Variants in DCC observed in about 807,000 individuals in gnomAD.
DCC encodes the protein netrin receptor DCC.
DCC carries 58 observed loss-of-function variants against 172.5 expected under a neutral mutation model. That is an observed-to-expected ratio of 0.34 (90% CI 0.27 to 0.42). The LOEUF (loss-of-function observed/expected upper bound fraction) is 0.42, where lower values mean the gene tolerates loss of function less well. Ranked by LOEUF, DCC falls within the 10% of genes least tolerant of loss-of-function variation. The probability of loss-of-function intolerance (pLI) is 1.00; values close to 1 mark genes in which losing one functional copy is unlikely to be tolerated. For synonymous variants in DCC, 709 were observed against 644.5 expected (o/e 1.10, Z -1.52); for missense variants, 1,740 against 1,791.0 (o/e 0.97, Z 0.51).
intron 1 of DCC, among the ~76,000 whole-genome samples, chr18:52,627,381 A>G (rs542093515): frequency 6.6e-6 from 1 of 152,254 alleles, no homozygotes; most frequent in South Asian, 2.1e-4. Context: ...GTTCCTGTGC[A>G]CTGTTAGGGA....
intron 1 of DCC, among the ~76,000 whole-genome samples, chr18:52,746,368 A>G (rs544963830): frequency 6.6e-5 from 10 of 152,282 alleles, no homozygotes; most frequent in Middle Eastern, 3.4e-3. Flanking sequence ...TCTAATCTCA[A>G]AATCTTGTAG....
chr18:52,361,524 G>A (rs1984617643), intron 1 of DCC, among the ~76,000 whole-genome samples: 1 of 152,136 alleles, frequency 6.6e-6, no homozygotes, highest in Non-Finnish European at 1.5e-5. Context: ...AGAGAGACAC[G>A]TGCTAGGCAT....
intron 12 of DCC, among the ~76,000 whole-genome samples, chr18:53,256,184 G>C (rs1204733477): frequency 6.6e-6 from 1 of 152,122 alleles, no homozygotes; most frequent in African/African-American, 2.4e-5. Flanking sequence ...TCTGATGGTA[G>C]TTTCTTTTGC....
At chr18:52,892,731 A>G (rs2039668889) in intron 2 of DCC, among the ~76,000 whole-genome samples, 2 of 152,084 alleles carry the variant, frequency 1.3e-5, no homozygotes, top group Non-Finnish European at 2.9e-5. Context: ...ACAAGTTTTG[A>G]TTTTTTCAGA....
At chr18:53,507,731 T>A (rs1447281257) in intron 27 of DCC, among the ~76,000 whole-genome samples, 1 of 152,182 alleles carries the variant, frequency 6.6e-6, no homozygotes, top group Non-Finnish European at 1.5e-5. Context: ...TACAGACTTA[T>A]AAGAATAATG....
At chr18:53,038,221 G>T (rs1332808732) in intron 5 of DCC, among the ~76,000 whole-genome samples, 1 of 151,934 alleles carries the variant, frequency 6.6e-6, no homozygotes, top group Non-Finnish European at 1.5e-5. Flanking sequence ...TTAGAACAGG[G>T]AATTCTGTTT....
Position 52,788,636 on chromosome 18 carries a change from C to T in DCC, c.412+36262C>T, listed in dbSNP as rs369068380. On this transcript the variant is annotated intron_variant, in intron 2 of 28. Transcript: ENST00000442544. ...ATTAGAGCTCTTTTTGTAGACATTA[C>T]GCATAACACATATATAGCAACACAG... 7.2e-5 allele frequency among the ~76,000 whole-genome samples: 11 copies of T among 152,220 alleles called. 1 individual carries two copies. The highest frequency in any genetic ancestry group is 6.2e-4 in the South Asian group (3 of 4,826).
intron 2 of DCC, among the ~76,000 whole-genome samples, chr18:52,777,985 CAAAG>C (rs551907685): frequency 1.5e-3 from 223 of 152,064 alleles, no homozygotes; most frequent in African/African-American, 4.2e-3. Context: ...GAAGGAAAAA[CAAAG>C]AGCTGCAACA....
chr18:52,923,679 C>T (rs773405556), intron 3 of DCC, 28 bp from the exon 4 acceptor site: 3 of 1,535,404 alleles, frequency 2.0e-6, no homozygotes, highest in Non-Finnish European at 2.7e-6. Context: ...TTTCATATAT[C>T]ATATGATACT....
intron 1 of DCC, among the ~76,000 whole-genome samples, chr18:52,616,677 A>G (rs1342922412): frequency 6.6e-6 from 1 of 152,172 alleles, no homozygotes; most frequent in Non-Finnish European, 1.5e-5. Flanking sequence ...GGAGTTTATA[A>G]TCTAGTAGAG....
intron 5 of DCC, among the ~76,000 whole-genome samples, chr18:53,024,921 T>G (rs2041935754): frequency 6.6e-6 from 1 of 152,122 alleles, no homozygotes; most frequent in Non-Finnish European, 1.5e-5. Flanking sequence ...ACCTACCATC[T>G]TCATAGAAAC....
intron 28 of DCC, chr18:53,530,296 C>T (rs2046511259): frequency 2.8e-6 from 2 of 702,048 alleles, no homozygotes; most frequent in African/African-American, 1.7e-5. Flanking sequence ...ATTGGGAGAA[C>T]TTGATTTGAA....
Position 53,205,418 on chromosome 18 carries a change from T to C in DCC, c.1722+54T>C, listed in dbSNP as rs1198561659. The C allele has an allele frequency of 9.6e-6, 15 of 1,565,746 alleles. No individual in the cohort carries two copies. The South Asian group carries it at 1.3e-4, about 14-fold the overall frequency. On this transcript the variant is annotated intron_variant, in intron 10 of 28. Transcript: ENST00000442544. ...CCATCTGTTGGATGTTTCCATCCATTGGATAGCTCTAGGGCTGGAGAAATA... is the reference window on the plus strand; with the variant it reads ...CCATCTGTTGGATGTTTCCATCCATCGGATAGCTCTAGGGCTGGAGAAATA...
At chr18:53,010,839 G>A (rs2041719303) in intron 5 of DCC, among the ~76,000 whole-genome samples, 1 of 150,998 alleles carries the variant, frequency 6.6e-6, no homozygotes, top group Admixed American at 6.6e-5. Flanking sequence ...TTCAGTAAAT[G>A]GCCAGTCCAT....
chr18:53,451,739 CTCTCTCTCTCTG>C (rs1256305160), intron 23 of DCC, among the ~76,000 whole-genome samples: 1 of 151,496 alleles, frequency 6.6e-6, no homozygotes. Flanking sequence ...CTCTCCATCT[CTCTCTCTCTCTG>C]TCTGTCTTTC....
chr18:53,436,896 C>T (rs148606446), intron 22 of DCC, among the ~76,000 whole-genome samples: 372 of 152,270 alleles, frequency 2.4e-3, no homozygotes, highest in African/African-American at 8.7e-3. Flanking sequence ...CTCTGCTTCA[C>T]AGTTGATGCC....
At chr18:53,459,504 C>A in intron 24 of DCC, 46 bp downstream of exon 24, 4 of 1,300,248 alleles carry the variant, frequency 3.1e-6, no homozygotes, top group Non-Finnish European at 3.3e-6. Context: ...CCATTCTGAA[C>A]CCAAGGGAGT....
At chr18:53,278,422 T>C (rs1024496026) in intron 12 of DCC, among the ~76,000 whole-genome samples, 1 of 152,134 alleles carries the variant, frequency 6.6e-6, no homozygotes, top group African/African-American at 2.4e-5. Context: ...ATACCGTCTA[T>C]ATCTATTGTA....
chr18:52,790,287 G>A (rs1210252549), intron 2 of DCC, among the ~76,000 whole-genome samples: 3 of 152,164 alleles, frequency 2.0e-5, no homozygotes, highest in Non-Finnish European at 2.9e-5. Flanking sequence ...CCTAACATAT[G>A]TTTTCTTTTG....
Sources: allele counts gnomAD v4.1 joint callset (sites outside exome capture counted in the v4.1 genomes callset), GRCh38; gene constraint gnomAD v4.1.1; transcripts MANE v1.5; gene names NCBI Gene and HGNC (gene_info 2026-07-23, HGNC 2026-07-21).